Variants in SCMH1 observed in about 807,000 individuals in gnomAD.
SCMH1 encodes polycomb protein SCMH1.
A neutral mutation model predicts 70.8 loss-of-function variants in SCMH1; 37 were observed. That is an observed-to-expected ratio of 0.52 (90% confidence interval 0.40 to 0.69). SCMH1 has a LOEUF of 0.69. Ranked by LOEUF, SCMH1 falls within the 30% of genes least tolerant of loss-of-function variation. SCMH1 has a pLI of 0.00. For synonymous variants in SCMH1, 292 were observed against 307.4 expected (o/e 0.95, Z 0.52); for missense variants, 607 against 827.3 (o/e 0.73, Z 3.27).
chr1:41,224,131 C>T (rs1007021024), intron 1 of SCMH1, among the ~76,000 whole-genome samples: 4 of 152,178 alleles, frequency 2.6e-5, no homozygotes, highest in Admixed American at 2.0e-4. Flanking sequence ...ACCTAAAAAA[C>T]GTCTACTCAT....
intron 10 of SCMH1, among the ~76,000 whole-genome samples, chr1:41,061,172 G>A (rs893736510): frequency 2.0e-5 from 3 of 152,130 alleles, no homozygotes; most frequent in Admixed American, 6.5e-5. Context: ...TAGTTTAAAC[G>A]ATAATAGCCC....
At chr1:41,216,248 T>C (rs1228385568) in intron 1 of SCMH1, among the ~76,000 whole-genome samples, 1 of 152,246 alleles carries the variant, frequency 6.6e-6, no homozygotes, top group Non-Finnish European at 1.5e-5. Context: ...CTAAGAGATC[T>C]GCAAACACTG....
At chr1:41,147,271 A>G (rs939588910) in intron 5 of SCMH1, among the ~76,000 whole-genome samples, 2 of 152,100 alleles carry the variant, frequency 1.3e-5, no homozygotes, top group Non-Finnish European at 2.9e-5. Flanking sequence ...GCCCATTTGC[A>G]TTGGTAATAC....
chr1:41,077,958 GGAAC>G (rs781518800), intron 8 of SCMH1, among the ~76,000 whole-genome samples: 1 of 151,966 alleles, frequency 6.6e-6, no homozygotes, highest in African/African-American at 2.4e-5. Context: ...TCCAAATAAT[GGAAC>G]AAACAAACAG....
chr1:41,060,600 C>G (rs1246588195), intron 10 of SCMH1, among the ~76,000 whole-genome samples: 1 of 151,996 alleles, frequency 6.6e-6, no homozygotes, highest in Admixed American at 6.5e-5. Flanking sequence ...GGAAGAGCAT[C>G]AGAGAAGAAA....
intron 1 of SCMH1, among the ~76,000 whole-genome samples, chr1:41,200,698 A>T (rs1035478321): frequency 6.6e-6 from 1 of 152,014 alleles, no homozygotes; most frequent in Non-Finnish European, 1.5e-5. Flanking sequence ...AACTAAAATA[A>T]TTTTTAAAAA....
chr1:41,081,726 G>A (rs1276907973), intron 8 of SCMH1, among the ~76,000 whole-genome samples: 1 of 151,976 alleles, frequency 6.6e-6, no homozygotes, highest in East Asian at 1.9e-4. Flanking sequence ...AGGCTGAGGT[G>A]GGAGGATTAC....
At chr1:41,040,961 C>T (rs566545332) in intron 12 of SCMH1, among the ~76,000 whole-genome samples, 51 of 152,154 alleles carry the variant, frequency 3.4e-4, no homozygotes, top group African/African-American at 1.2e-3. Context: ...AAATCAATTG[C>T]CAAAGATAGA....
intron 6 of SCMH1, among the ~76,000 whole-genome samples, chr1:41,136,046 T>C (rs1643259933): frequency 6.6e-6 from 1 of 151,916 alleles, no homozygotes; most frequent in Non-Finnish European, 1.5e-5. Flanking sequence ...CAGGCTCAAG[T>C]GATCCTTCCA....
intron 6 of SCMH1, among the ~76,000 whole-genome samples, chr1:41,117,418 C>T (rs903444140): frequency 1.3e-5 from 2 of 152,090 alleles, no homozygotes; most frequent in Non-Finnish European, 2.9e-5. Flanking sequence ...GGAAGACGCC[C>T]GTTGCCAAGC....
At chr1:41,205,125 C>T (rs982369023) in intron 1 of SCMH1, among the ~76,000 whole-genome samples, 3 of 152,182 alleles carry the variant, frequency 2.0e-5, no homozygotes, top group African/African-American at 2.4e-5. Flanking sequence ...CCAGCATGAT[C>T]GATGCAGAAT....
chr1:41,119,127 C>G (rs990436209), intron 6 of SCMH1, among the ~76,000 whole-genome samples: 1 of 152,114 alleles, frequency 6.6e-6, no homozygotes, highest in Non-Finnish European at 1.5e-5. Context: ...TGAGCCCACA[C>G]TTTAAAACTG....
chr1:41,231,959 G>A (rs1204038895), intron 1 of SCMH1, among the ~76,000 whole-genome samples: 1 of 151,114 alleles, frequency 6.6e-6, no homozygotes, highest in African/African-American at 2.4e-5. Context: ...GGAGGTGGAG[G>A]TTACAGCGAG....
intron 8 of SCMH1, among the ~76,000 whole-genome samples, chr1:41,090,768 G>A (rs1369795378): frequency 6.6e-6 from 1 of 152,088 alleles, no homozygotes; most frequent in African/African-American, 2.4e-5. Flanking sequence ...GGCCAGGCGC[G>A]GTGGCTCACG....
intron 10 of SCMH1, among the ~76,000 whole-genome samples, chr1:41,050,262 C>T (rs919838152): frequency 1.3e-5 from 2 of 152,316 alleles, no homozygotes; most frequent in Non-Finnish European, 1.5e-5. Flanking sequence ...CATCTGCTTT[C>T]CAGCTTCCCA....
chr1:41,046,277 G>A (rs1646883488), intron 12 of SCMH1, 130 bp downstream of exon 12: 5 of 691,342 alleles, frequency 7.2e-6, no homozygotes, highest in South Asian at 2.0e-5. Context: ...GCAAAGGTAA[G>A]GGACAGAAAA....
At chr1:41,105,493 A>G (rs1373784463) in intron 8 of SCMH1, among the ~76,000 whole-genome samples, 5 of 152,126 alleles carry the variant, frequency 3.3e-5, no homozygotes, top group African/African-American at 1.2e-4. Context: ...TTTAACATGG[A>G]CTCCAGGTAG....
rs548733204 is a variant in SCMH1, at chr1:41,058,378, G to GTTTTTTTTTT, written c.1106-9498_1106-9489dup. Among the ~76,000 whole-genome samples, 129 of 81,636 alleles carry GTTTTTTTTTT rather than the reference G, an allele frequency of 1.6e-3. 20 individuals carry two copies. The highest frequency in any genetic ancestry group is 4.3e-3 in the East Asian group (8 of 1,872). The allele number at this position is 81,636 out of a possible 152,430, so 53.6% of individuals were successfully genotyped here. A position where few individuals can be genotyped will look rare whatever the true frequency, so the allele number is the denominator to read the frequency against. On this transcript the variant is annotated intron_variant, in intron 10 of 14. Transcript: ENST00000337495. ...TTAGTATTTATACATTTTCTTTCTT[G>GTTTTTTTTTT]TTTTTTTTTTTTTTTTTTTTTTGAG... is the stretch of plus-strand genomic sequence containing the variant.
intron 1 of SCMH1, among the ~76,000 whole-genome samples, chr1:41,194,432 T>C (rs1652496671): frequency 6.6e-6 from 1 of 152,192 alleles, no homozygotes; most frequent in Non-Finnish European, 1.5e-5. Context: ...AATAGAAATA[T>C]GAACTACTGT....
Sources: allele counts gnomAD v4.1 joint callset (sites outside exome capture counted in the v4.1 genomes callset), GRCh38; gene constraint gnomAD v4.1.1; transcripts MANE v1.5; gene names NCBI Gene and HGNC (gene_info 2026-07-23, HGNC 2026-07-21).